The following STAG1 variants were observed in gnomAD, a reference collection of about 807,000 sequenced individuals.
The protein encoded by STAG1 is STAG1 cohesin complex component, also known as cohesin subunit SA-1.
STAG1 carries 26 observed loss-of-function variants against 170.9 expected under a neutral mutation model. The observed-to-expected ratio is 0.15, with a 90% confidence interval of 0.11 to 0.21. The LOEUF is 0.21. STAG1 is among the 10% of genes least tolerant of loss of function. The probability of loss-of-function intolerance (pLI) is 1.00; values close to 1 mark genes in which losing one functional copy is unlikely to be tolerated. For synonymous variants in STAG1, 514 were observed against 497.7 expected, an observed-to-expected ratio of 1.03 and a Z score of -0.44; for missense variants, 964 against 1,509.5, an observed-to-expected ratio of 0.64 and a Z score of 5.99.
chr3:136,505,998 G>A (rs1274289753), intron 7 of STAG1, among the ~76,000 whole-genome samples: 1 of 152,134 alleles, frequency 6.6e-6, no homozygotes, highest in Non-Finnish European at 1.5e-5. Context: ...AAGGAAGGAA[G>A]AGGCCAGATT....
intron 5 of STAG1, among the ~76,000 whole-genome samples, chr3:136,560,783 T>C (rs1344756171): frequency 6.6e-6 from 1 of 152,156 alleles, no homozygotes; most frequent in African/African-American, 2.4e-5. Flanking sequence ...AGGGCTTGGC[T>C]CAAGAGCCAA....
intron 1 of STAG1, among the ~76,000 whole-genome samples, chr3:136,703,455 G>A (rs929764802): frequency 6.6e-6 from 1 of 152,152 alleles, no homozygotes; most frequent in East Asian, 1.9e-4. Context: ...ATCACTAAGG[G>A]ACCTGCATGG....
intron 5 of STAG1, among the ~76,000 whole-genome samples, chr3:136,560,464 T>C (rs1351183979): frequency 6.6e-6 from 1 of 152,244 alleles, no homozygotes; most frequent in African/African-American, 2.4e-5. Context: ...GCTATAATTC[T>C]GTGTTCTTAG....
chr3:136,699,628 T>C (rs1032110049), intron 1 of STAG1, among the ~76,000 whole-genome samples: 2 of 151,900 alleles, frequency 1.3e-5, no homozygotes, highest in Admixed American at 6.6e-5. Flanking sequence ...TCACAGCTAC[T>C]TGGATGGAGG....
At chr3:136,685,703 G>T (rs1942497221) in intron 1 of STAG1, among the ~76,000 whole-genome samples, 1 of 152,120 alleles carries the variant, frequency 6.6e-6, no homozygotes, top group Admixed American at 6.6e-5. Context: ...TATATTGTAT[G>T]ATTCCAACTA....
chr3:136,341,424 C>T lies in STAG1; in HGVS notation c.3557+17G>A. 6.7e-7 allele frequency: 1 copy of T among 1,497,476 alleles called. No homozygotes were observed. Among genetic ancestry groups the T allele is most frequent in the Non-Finnish European group, 9.3e-7 (1 of 1,077,182 alleles). The allele number at this position is 1,497,476 out of a possible 1,614,324, so 92.8% of individuals were successfully genotyped here. On this transcript the variant is annotated intron_variant, in intron 31 of 33. Coordinates refer to ENST00000383202, the MANE Select transcript of STAG1 (RefSeq NM_005862.3). ...ACATAGTTGTTATGTTCTTGTGATA[C>T]TCCATGTAACACTTACACAGCATGC...
intron 1 of STAG1, among the ~76,000 whole-genome samples, chr3:136,745,761 T>C (rs978092665): frequency 6.6e-6 from 1 of 152,198 alleles, no homozygotes; most frequent in Non-Finnish European, 1.5e-5. Context: ...TTGGCTTCCC[T>C]GGGCCACATT....
intron 1 of STAG1, among the ~76,000 whole-genome samples, chr3:136,705,150 C>T (rs1055066822): frequency 1.6e-4 from 25 of 151,874 alleles, no homozygotes; most frequent in African/African-American, 6.0e-4. Flanking sequence ...CCAAGGCAGG[C>T]GGATCACAAG....
At chr3:136,412,419 T>A (rs1315960829) in intron 21 of STAG1, among the ~76,000 whole-genome samples, 3 of 152,288 alleles carry the variant, frequency 2.0e-5, no homozygotes, top group African/African-American at 7.2e-5. Context: ...CAGAGTCTGA[T>A]AAGAAACAGG....
chr3:136,373,661 G>C (rs1252200419), intron 23 of STAG1, among the ~76,000 whole-genome samples: 1 of 152,178 alleles, frequency 6.6e-6, no homozygotes, highest in Non-Finnish European at 1.5e-5. Flanking sequence ...GAGCGGTTTT[G>C]AGTGAGTTTC....
intron 23 of STAG1, among the ~76,000 whole-genome samples, chr3:136,371,953 GCCA>G (rs1256599447): frequency 6.6e-6 from 1 of 152,164 alleles, no homozygotes; most frequent in Non-Finnish European, 1.5e-5. Flanking sequence ...GGGCAGTACG[GCCA>G]TTTTCACGAT....
chr3:136,562,548 T>C (rs934408024), intron 5 of STAG1, among the ~76,000 whole-genome samples: 2 of 151,650 alleles, frequency 1.3e-5, no homozygotes, highest in African/African-American at 2.4e-5. Flanking sequence ...ACCTGTCATG[T>C]TTCTTTACTC....
At chr3:136,662,143 CAGTT>C (rs1208205325) in intron 1 of STAG1, among the ~76,000 whole-genome samples, 1 of 149,684 alleles carries the variant, frequency 6.7e-6, no homozygotes, top group Non-Finnish European at 1.5e-5. Context: ...AAGCAAAACA[CAGTT>C]AGACTCTTTT....
chr3:136,358,085 C>T (rs1036698905), intron 27 of STAG1, among the ~76,000 whole-genome samples: 1 of 139,844 alleles, frequency 7.2e-6, no homozygotes, highest in Non-Finnish European at 1.5e-5. Context: ...AAGCTAAATT[C>T]GTATTTTTTT....
intron 31 of STAG1, among the ~76,000 whole-genome samples, chr3:136,341,012 G>C (rs569989780): frequency 6.6e-6 from 1 of 152,116 alleles, no homozygotes; most frequent in African/African-American, 2.4e-5. Context: ...GGATTTAAGC[G>C]ATTCTCCTGC....
intron 1 of STAG1, among the ~76,000 whole-genome samples, chr3:136,714,460 G>C (rs1052054346): frequency 1.3e-5 from 2 of 152,104 alleles, no homozygotes; most frequent in African/African-American, 4.8e-5. Flanking sequence ...CGGGCGTGGT[G>C]GCTCACGCCT....
At chr3:136,668,851 A>T (rs1941895644) in intron 1 of STAG1, among the ~76,000 whole-genome samples, 1 of 152,218 alleles carries the variant, frequency 6.6e-6, no homozygotes, top group African/African-American at 2.4e-5. Flanking sequence ...CCTTCAAGGG[A>T]GATCGAAGCA....
At chr3:136,453,719 G>C (rs1396068631) in intron 13 of STAG1, among the ~76,000 whole-genome samples, 3 of 150,602 alleles carry the variant, frequency 2.0e-5, no homozygotes, top group Non-Finnish European at 4.4e-5. Context: ...ATAAACGGTA[G>C]ATAAGTATAT....
At position 136,621,530 on chromosome 3, in the gene STAG1, G is replaced by T. The variant is rs1939848460; in HGVS notation, c.132+1616C>A. Among the ~76,000 whole-genome samples, 3 of 152,144 alleles carry T rather than the reference G, an allele frequency of 2.0e-5. 1 individual carries two copies. In the South Asian group the frequency reaches 6.2e-4, roughly 32 times the overall value. On this transcript the variant is annotated intron_variant, in intron 3 of 33. Coordinates refer to ENST00000383202, the MANE Select transcript of STAG1 (RefSeq NM_005862.3). ...CTCTCACTTTTCCCAAAATACGTTT[G>T]TAAAGAATACTGTACCACCAAATAC...
Sources: gnomAD v4.1 joint callset for allele counts (sites outside exome capture counted in the v4.1 genomes callset) on GRCh38, gnomAD v4.1.1 for gene constraint, MANE v1.5 for transcripts, NCBI Gene and HGNC (gene_info 2026-07-23, HGNC 2026-07-21) for gene names.